Variants in PITPNB observed in about 807,000 individuals in gnomAD.
PITPNB encodes phosphatidylinositol transfer protein beta isoform.
In PITPNB, 16 loss-of-function variants were observed where a neutral mutation model predicts 45.9. The observed-to-expected ratio is 0.35, with a 90% CI of 0.24 to 0.53. The LOEUF (loss-of-function observed/expected upper bound fraction) is 0.53, where lower values mean the gene tolerates loss of function less well. Ranked by LOEUF, PITPNB falls within the 20% of genes least tolerant of loss-of-function variation. The pLI, the probability that PITPNB is intolerant of heterozygous loss-of-function variation, is 0.93. For missense variants in PITPNB, 188 were observed against 330.5 expected (o/e 0.57, Z 3.34); for synonymous variants, 112 against 108.9 (o/e 1.03, Z -0.18).
At chr22:27,895,630 T>A (rs936908133) in intron 6 of PITPNB, among the ~76,000 whole-genome samples, 1 of 151,370 alleles carries the variant, frequency 6.6e-6, no homozygotes, top group African/African-American at 2.4e-5. Flanking sequence ...AAATGTCAAA[T>A]GATCACTTGA....
At chr22:27,859,406 G>A (rs1934255378) in intron 9 of PITPNB, among the ~76,000 whole-genome samples, 1 of 151,042 alleles carries the variant, frequency 6.6e-6, no homozygotes, top group South Asian at 2.1e-4. Context: ...ACTAATTGTG[G>A]AGATCTGAGA....
At chr22:27,890,789 G>A (rs1421596269) in intron 7 of PITPNB, among the ~76,000 whole-genome samples, 1 of 152,184 alleles carries the variant, frequency 6.6e-6, no homozygotes, top group African/African-American at 2.4e-5. Context: ...ACTCCAGCCT[G>A]GGCGACAGAG....
chr22:27,855,552 C>T (rs948007455), intron 10 of PITPNB, among the ~76,000 whole-genome samples: 5 of 152,160 alleles, frequency 3.3e-5, no homozygotes, highest in Non-Finnish European at 5.9e-5. Flanking sequence ...AAACAAAAAA[C>T]GAAATGAACA....
intron 7 of PITPNB, among the ~76,000 whole-genome samples, chr22:27,892,493 G>A (rs116597880): frequency 1.3e-5 from 2 of 152,084 alleles, no homozygotes; most frequent in Non-Finnish European, 2.9e-5. Flanking sequence ...ACAACATAAT[G>A]GGAATGCCTT....
chr22:27,885,309 A>G (rs185772873), intron 7 of PITPNB, among the ~76,000 whole-genome samples: 1 of 147,472 alleles, frequency 6.8e-6, no homozygotes, highest in African/African-American at 2.5e-5. Context: ...TGCTGAAGAT[A>G]TGCATGTGCA....
chr22:27,882,549 A>G (rs1428139662), intron 7 of PITPNB, among the ~76,000 whole-genome samples: 1 of 152,252 alleles, frequency 6.6e-6, no homozygotes, highest in Non-Finnish European at 1.5e-5. Context: ...AATCCTTAAA[A>G]AGATTAACCT....
At chr22:27,853,721 T>TA in intron 11 of PITPNB, 58 bp from the exon 12 acceptor site, 1 of 1,215,406 alleles carries the variant, frequency 8.2e-7, no homozygotes, top group Non-Finnish European at 1.2e-6. Flanking sequence ...CAGGAAATGT[T>TA]AGCAGCTCGT....
chr22:27,893,001 G>A (rs1422432358), intron 7 of PITPNB, among the ~76,000 whole-genome samples: 1 of 152,128 alleles, frequency 6.6e-6, no homozygotes, highest in East Asian at 1.9e-4. Context: ...GACATTTAGC[G>A]TTTGACTTAT....
chr22:27,857,637 T>C (rs1476427533), intron 10 of PITPNB, among the ~76,000 whole-genome samples: 2 of 152,176 alleles, frequency 1.3e-5, no homozygotes, highest in African/African-American at 2.4e-5. Context: ...GCCCTGGACA[T>C]TCCTTGGGTT....
chr22:27,878,970 A>C (rs1934893434), intron 7 of PITPNB, among the ~76,000 whole-genome samples: 1 of 152,154 alleles, frequency 6.6e-6, no homozygotes. Context: ...TAAAAGCTGA[A>C]TTTTAAACAA....
rs1215246259 is a variant in PITPNB at position 27,852,370 on chromosome 22, A to G, written c.*1332T>C. On this transcript the variant is annotated 3_prime_UTR_variant, in exon 12 of 12. Transcript: ENST00000335272. ...AACTGGATTCAGACAGAGAAAGCTG[A>G]TAAAAATCTTACCTAGCTATTGTTC... The G allele has an allele frequency of 2.0e-5, 3 of 152,238 alleles. No homozygotes were observed. The highest frequency in any genetic ancestry group is 7.2e-5 in the African/African-American group (3 of 41,456). The allele number at this position is 152,238 out of a possible 1,614,324, so 9.4% of individuals were successfully genotyped here.
At chr22:27,892,442 C>A (rs1034913393) in intron 7 of PITPNB, among the ~76,000 whole-genome samples, 1 of 152,176 alleles carries the variant, frequency 6.6e-6, no homozygotes, top group African/African-American at 2.4e-5. Context: ...CTGAGTCAGT[C>A]GAGCCATTTT....
rs964016143 is a variant in PITPNB, at chr22:27,851,877, C to T, written c.*1825G>A. On this transcript the variant is annotated 3_prime_UTR_variant, in exon 12 of 12. Transcript: ENST00000335272. ...AAGCTCCCAATGATACTACAGATGC[C>T]AGCGAGAGTTAAGTTCATTAAAAGG... 1.2e-4 allele frequency: 19 copies of T among 152,270 alleles called. No homozygotes were observed. Among genetic ancestry groups the T allele is most frequent in the African/African-American group, 4.1e-4 (17 of 41,562 alleles). 9.4% of individuals were successfully genotyped at this position (152,270 alleles called of 1,614,324 possible).
chr22:27,889,482 A>G (rs1465563051), intron 7 of PITPNB, among the ~76,000 whole-genome samples: 1 of 152,184 alleles, frequency 6.6e-6, no homozygotes, highest in Non-Finnish European at 1.5e-5. Context: ...ATAAACGTAT[A>G]ATGTGTCAGA....
intron 10 of PITPNB, 52 bp downstream of exon 10, chr22:27,858,335 C>T (rs1218328651): frequency 4.2e-6 from 6 of 1,424,172 alleles, no homozygotes; most frequent in African/African-American, 1.4e-5. Flanking sequence ...AGCATGTATA[C>T]AGTTTTAGAA....
At chr22:27,853,888 A>T (rs1451563684) in intron 11 of PITPNB, among the ~76,000 whole-genome samples, 1 of 152,218 alleles carries the variant, frequency 6.6e-6, no homozygotes, top group Admixed American at 6.5e-5. Flanking sequence ...AGGCAGAAAT[A>T]AATCACAAAA....
At chr22:27,873,632 G>T in intron 8 of PITPNB, 106 bp downstream of exon 8, 1 of 707,708 alleles carries the variant, frequency 1.4e-6, no homozygotes, top group Non-Finnish European at 2.5e-6. Context: ...CTATTTTTGT[G>T]CCATTTCTAT....
intron 7 of PITPNB, among the ~76,000 whole-genome samples, chr22:27,884,999 T>A (rs554946836): frequency 6.6e-6 from 1 of 150,642 alleles, no homozygotes; most frequent in African/African-American, 2.4e-5. Context: ...AAAATGTGGT[T>A]CCAATTTCTT....
chr22:27,856,908 G>A (rs1934189703), intron 10 of PITPNB, among the ~76,000 whole-genome samples: 1 of 152,170 alleles, frequency 6.6e-6, no homozygotes, highest in African/African-American at 2.4e-5. Flanking sequence ...GGCCAGGGGG[G>A]TGCTTGTTAG....
Sources: gnomAD v4.1 joint callset for allele counts (sites outside exome capture counted in the v4.1 genomes callset) on GRCh38, gnomAD v4.1.1 for gene constraint, MANE v1.5 for transcripts, NCBI Gene and HGNC (gene_info 2026-07-23, HGNC 2026-07-21) for gene names.